Variants in FAM133B observed in about 807,000 individuals in gnomAD.
The protein encoded by FAM133B is protein FAM133B.
In FAM133B, 25 loss-of-function variants were observed where a neutral mutation model predicts 46.4. The ratio of observed to expected loss-of-function variants is 0.54; its 90% confidence interval spans 0.39 to 0.75. The LOEUF is 0.75. FAM133B is among the 30% of genes least tolerant of loss of function. The pLI is 0.00. For synonymous variants in FAM133B, 75 were observed against 86.0 expected (o/e 0.87, Z 0.71); for missense variants, 205 against 277.6 (o/e 0.74, Z 1.86).
chr7:92,587,869 T>C (rs1409176372), intron 1 of FAM133B, among the ~76,000 whole-genome samples: 1 of 152,178 alleles, frequency 6.6e-6, no homozygotes, highest in Non-Finnish European at 1.5e-5. Context: ...TGTACCACTC[T>C]GGTGAAGGAT....
At chr7:92,572,553 A>G (rs1794563244) in intron 8 of FAM133B, among the ~76,000 whole-genome samples, 2 of 152,162 alleles carry the variant, frequency 1.3e-5, no homozygotes, top group African/African-American at 4.8e-5. Flanking sequence ...CCCTGTCTCT[A>G]CTGAAAATAC....
chr7:92,589,412 T>G (rs1268464358), intron 1 of FAM133B, among the ~76,000 whole-genome samples: 1 of 152,262 alleles, frequency 6.6e-6, no homozygotes, highest in Non-Finnish European at 1.5e-5. Context: ...CTACTCTTTC[T>G]GCTGTAAGTT....
intron 1 of FAM133B, chr7:92,585,469 A>C: frequency 3.3e-6 from 2 of 607,246 alleles, no homozygotes; most frequent in Non-Finnish European, 4.1e-6. Context: ...TACACATATC[A>C]AGGATATTCA....
intron 8 of FAM133B, among the ~76,000 whole-genome samples, chr7:92,572,360 G>C (rs10278093): frequency 6.6e-6 from 1 of 152,100 alleles, no homozygotes; most frequent in Non-Finnish European, 1.5e-5. Flanking sequence ...CAAAATGTTC[G>C]TAAGTTGAAT....
intron 3 of FAM133B, among the ~76,000 whole-genome samples, chr7:92,578,637 T>C (rs1050657140): frequency 8.5e-5 from 13 of 152,160 alleles, no homozygotes; most frequent in Admixed American, 3.9e-4. Context: ...CAGCAGGCAT[T>C]ATTACTGAAG....
Position 92,575,686 on chromosome 7 carries a change from T to TA in FAM133B, c.516+84dup, listed in dbSNP as rs1794671807. On this transcript the variant is annotated intron_variant, in intron 8 of 10. Transcript: ENST00000445716. ...ACAAAAACAAAATAAATATATCTCT[T>TA]AAAAAGAGATACACATTATTGTTAT... The TA allele has an allele frequency of 4.7e-6, 3 of 641,148 alleles. No homozygotes were observed. In the South Asian group the frequency reaches 7.6e-5, roughly 16 times the overall value. 39.7% of individuals were successfully genotyped at this position (641,148 alleles called of 1,614,324 possible). A position where few individuals can be genotyped will look rare whatever the true frequency, so the allele number is the denominator to read the frequency against.
chr7:92,577,820 C>A, intron 5 of FAM133B, 103 bp from the exon 6 acceptor site: 1 of 885,302 alleles, frequency 1.1e-6, no homozygotes, highest in Non-Finnish European at 1.7e-6. Flanking sequence ...GTCTGAGAAA[C>A]AGATGCCATA....
intron 9 of FAM133B, among the ~76,000 whole-genome samples, chr7:92,568,546 T>A (rs541323458): frequency 0.014 from 2,164 of 149,878 alleles, 18 homozygotes; most frequent in Non-Finnish European, 0.023. Flanking sequence ...TTTTTTTTTT[T>A]TAGCAGAGAT....
At chr7:92,589,983 CT>C in intron 1 of FAM133B, 1 of 523,212 alleles carries the variant, frequency 1.9e-6, no homozygotes, top group Non-Finnish European at 3.4e-6. Flanking sequence ...TAAGTGGGCA[CT>C]GGGGGCCCGC....
chr7:92,587,674 C>CAGTG (rs1251552148), intron 1 of FAM133B, among the ~76,000 whole-genome samples: 1 of 152,130 alleles, frequency 6.6e-6, no homozygotes, highest in Non-Finnish European at 1.5e-5. Flanking sequence ...GTTGAAGCTG[C>CAGTG]AGTGAGCCAT....
intron 1 of FAM133B, among the ~76,000 whole-genome samples, chr7:92,582,270 T>A (rs927129027): frequency 3.6e-5 from 5 of 137,192 alleles, no homozygotes; most frequent in African/African-American, 1.5e-4. Context: ...TAACATAACA[T>A]AACATAACAT....
intron 10 of FAM133B, among the ~76,000 whole-genome samples, chr7:92,564,500 C>T (rs1794265567): frequency 6.6e-6 from 1 of 152,194 alleles, no homozygotes; most frequent in Admixed American, 6.5e-5. Flanking sequence ...AAGCTATCTT[C>T]ACCCAAACTA....
intron 8 of FAM133B, 71 bp downstream of exon 8, chr7:92,575,700 C>T: frequency 4.2e-6 from 3 of 722,386 alleles, no homozygotes; most frequent in East Asian, 2.9e-5. Flanking sequence ...AAGAGATACA[C>T]ATTATTGTTA....
At chr7:92,584,373 CCAT>C (rs1376855109) in intron 1 of FAM133B, among the ~76,000 whole-genome samples, 1 of 152,108 alleles carries the variant, frequency 6.6e-6, no homozygotes, top group Non-Finnish European at 1.5e-5. Flanking sequence ...ATGAAAATGA[CCAT>C]CATTTCCCAC....
At position 92,590,355 on chromosome 7, in the gene FAM133B, G is replaced by T. The variant is rs1003679708; in HGVS notation, c.-64C>A. On this transcript the variant is annotated 5_prime_UTR_variant, in exon 1 of 11. Coordinates refer to ENST00000445716, the MANE Select transcript of FAM133B (RefSeq NM_152789.4). The stretch of plus-strand genomic sequence containing the variant: ...CCGGGCCGGAGAGACTGCCGAAGAG[G>T]GCCTGCCGCAGGTCCTCTTGCCGCC... 8.0e-5 allele frequency: 128 copies of T among 1,608,034 alleles called. No homozygotes were observed. The South Asian group carries it at 1.3e-3, about 17-fold the overall frequency.
chr7:92,584,631 CAG>C (rs763713365), intron 1 of FAM133B, among the ~76,000 whole-genome samples: 8 of 152,160 alleles, frequency 5.3e-5, no homozygotes, highest in Non-Finnish European at 1.2e-4. Context: ...ATGTTAAAGA[CAG>C]AGGCATATTG....
intron 1 of FAM133B, among the ~76,000 whole-genome samples, chr7:92,588,947 G>A (rs1193822904): frequency 6.6e-6 from 1 of 152,074 alleles, no homozygotes; most frequent in African/African-American, 2.4e-5. Context: ...CCATAGAACC[G>A]TGAGCCAATT....
At chr7:92,567,607 A>G (rs1794394847) in intron 9 of FAM133B, among the ~76,000 whole-genome samples, 2 of 152,122 alleles carry the variant, frequency 1.3e-5, no homozygotes, top group Admixed American at 1.3e-4. Context: ...TTGTTATTAC[A>G]ATGACTAAGG....
chr7:92,581,658 C>A (rs1164891895), intron 1 of FAM133B, 55 bp from the exon 2 acceptor site: 2 of 1,338,918 alleles, frequency 1.5e-6, no homozygotes, highest in African/African-American at 2.9e-5. Context: ...CATGCAAAAC[C>A]TCACTTACTC....
Sources: allele counts gnomAD v4.1 joint callset (sites outside exome capture counted in the v4.1 genomes callset), GRCh38; gene constraint gnomAD v4.1.1; transcripts MANE v1.5; gene names NCBI Gene and HGNC (gene_info 2026-07-23, HGNC 2026-07-21).